Variants in PALS2 observed in about 807,000 individuals in gnomAD.
PALS2 encodes protein PALS2.
In PALS2, 27 loss-of-function variants were observed where a neutral mutation model predicts 61.6. The observed-to-expected ratio is 0.44, with a 90% CI of 0.32 to 0.60. The LOEUF is 0.60. Among genes scored for constraint, PALS2 ranks in the 20% least tolerant of loss-of-function variants. The pLI is 0.05. For synonymous variants in PALS2, 236 were observed against 218.6 expected, an observed-to-expected ratio of 1.08 and a Z score of -0.70; for missense variants, 554 against 639.4, an observed-to-expected ratio of 0.87 and a Z score of 1.44.
chr7:24,585,544 C>A (rs1249398138), intron 1 of PALS2, among the ~76,000 whole-genome samples: 11 of 152,066 alleles, frequency 7.2e-5, no homozygotes, highest in Admixed American at 5.9e-4. Context: ...TGCTATATAG[C>A]CAAGTCGGTA....
intron 1 of PALS2, among the ~76,000 whole-genome samples, chr7:24,580,379 T>A (rs1171374646): frequency 6.6e-6 from 1 of 152,148 alleles, no homozygotes; most frequent in East Asian, 1.9e-4. Context: ...AAATAATACA[T>A]CCTGTGGAAT....
At chr7:24,677,254 G>GCAA (rs1583998685) in intron 9 of PALS2, among the ~76,000 whole-genome samples, 1 of 152,130 alleles carries the variant, frequency 6.6e-6, no homozygotes, top group East Asian at 1.9e-4. Context: ...TTGCTTATCA[G>GCAA]CTTAAGGAGA....
chr7:24,663,537 T>C, intron 5 of PALS2, 53 bp from the exon 6 acceptor site: 1 of 1,472,596 alleles, frequency 6.8e-7, no homozygotes, highest in Non-Finnish European at 9.2e-7. Flanking sequence ...ATTTTTTAAA[T>C]TCAGTGGCAA....
In PALS2 at chr7:24,679,223, A is replaced by G; in HGVS notation, c.1207A>G (p.Lys403Glu). 6.2e-7 allele frequency: 1 copy of G among 1,614,008 alleles called. No homozygotes were observed. Among genetic ancestry groups the G allele is most frequent in the South Asian group, 1.1e-5 (1 of 91,068 alleles). ...SEMEADIKAG[K>E]YLEHGEYEGN... is the part of the protein sequence containing the mutation. ...GATGGAAGCAGATATTAAAGCTGGAAAGTATTTGGAACATGGGGAATATGA... is the reference window on the plus strand; with the variant it reads ...GATGGAAGCAGATATTAAAGCTGGAGAGTATTTGGAACATGGGGAATATGA... Residue 403 changes from lysine (K) to glutamate (E), a missense_variant, in exon 10 of 12, where the codon AAG (lysine) becomes GAG (glutamate). By Grantham distance (56) the Lys-to-Glu change is moderately conservative (BLOSUM62 1). Coordinates refer to ENST00000222644, the MANE Select transcript of PALS2 (RefSeq NM_001303037.2).
intron 1 of PALS2, among the ~76,000 whole-genome samples, chr7:24,581,041 G>T (rs1200656075): frequency 2.6e-5 from 4 of 152,118 alleles, no homozygotes; most frequent in Non-Finnish European, 4.4e-5. Flanking sequence ...GATTCTGAAG[G>T]CCAGACATTT....
At chr7:24,584,408 G>A (rs1468273579) in intron 1 of PALS2, among the ~76,000 whole-genome samples, 5 of 151,226 alleles carry the variant, frequency 3.3e-5, no homozygotes, top group African/African-American at 9.7e-5. Context: ...TTCTCTGATG[G>A]CCAGTGATGA....
At position 24,657,714 on chromosome 7, in the gene PALS2, A is replaced by G. The variant is rs139027578; in HGVS notation, c.652-5876A>G. ...AAGTTCTGAATTTTGATGAAATCCA[A>G]TTTATGATTTTTTTTCTTTGAGTCA... On this transcript the variant is annotated intron_variant, in intron 5 of 11. Transcript: ENST00000222644. 8.3e-3 allele frequency among the ~76,000 whole-genome samples: 1,262 copies of G among 152,228 alleles called. 14 individuals carry two copies. Among genetic ancestry groups the G allele is most frequent in the African/African-American group, 0.028 (1,169 of 41,552 alleles).
intron 2 of PALS2, among the ~76,000 whole-genome samples, chr7:24,637,879 T>C (rs1487927871): frequency 6.6e-6 from 1 of 152,216 alleles, no homozygotes; most frequent in Admixed American, 6.5e-5. Flanking sequence ...ATGCCAGTCA[T>C]AGAATGTTCT....
intron 1 of PALS2, among the ~76,000 whole-genome samples, chr7:24,598,173 C>CA (rs986731601): frequency 6.6e-6 from 1 of 151,974 alleles, no homozygotes. Context: ...TTTATCAAAC[C>CA]AAAGTATATA....
rs1788495458 is a variant in PALS2, at chr7:24,691,891, T to A, written c.*4277T>A. On this transcript the variant is annotated 3_prime_UTR_variant, in exon 12 of 12. Transcript: ENST00000222644. ...AATTCATTCTTTTAAATAATGGGAT[T>A]ATTGTATATAGTACAAATGAATACT... 1 of 152,030 alleles carries A rather than the reference T, an allele frequency of 6.6e-6. No individual in the cohort carries two copies. Among genetic ancestry groups the A allele is most frequent in the South Asian group, 2.1e-4 (1 of 4,832 alleles). The allele number at this position is 152,030 out of a possible 1,614,324, so 9.4% of individuals were successfully genotyped here.
At chr7:24,622,989 TGAACC>T (rs1400088760) in intron 1 of PALS2, among the ~76,000 whole-genome samples, 3 of 152,064 alleles carry the variant, frequency 2.0e-5, no homozygotes, top group Non-Finnish European at 2.9e-5. Context: ...TTTTATCTGT[TGAACC>T]ACTCGTTCAT....
intron 2 of PALS2, among the ~76,000 whole-genome samples, chr7:24,633,341 G>A (rs118157486): frequency 0.019 from 2,614 of 137,738 alleles, 42 homozygotes; most frequent in Non-Finnish European, 0.031. Flanking sequence ...GTAATTCCAG[G>A]TTGGTGGAGT....
At chr7:24,679,042 G>A in intron 9 of PALS2, 89 bp from the exon 10 acceptor site, 1 of 1,183,136 alleles carries the variant, frequency 8.5e-7, no homozygotes, top group Non-Finnish European at 1.2e-6. Flanking sequence ...GCACCCAGTG[G>A]AAAAACGTTA....
intron 1 of PALS2, among the ~76,000 whole-genome samples, chr7:24,577,317 C>A: frequency 7.1e-6 from 1 of 140,316 alleles, no homozygotes; most frequent in Non-Finnish European, 1.5e-5. Flanking sequence ...ATACTTTCTG[C>A]TTAGGAATAT....
rs530059211 is a variant in PALS2 at position 24,675,853 on chromosome 7, C to T, written c.1115-3278C>T. 1.2e-4 allele frequency among the ~76,000 whole-genome samples: 15 copies of T among 128,166 alleles called. No individual in the cohort carries two copies. The East Asian group carries it at 2.2e-3, about 19-fold the overall frequency. 84.1% of individuals were successfully genotyped at this position (128,166 alleles called of 152,430 possible). On this transcript the variant is annotated intron_variant, in intron 9 of 11. Transcript: ENST00000222644. ...TATGAATAATGCCGCAATAAACATACGTGTGCATGTGTCTTTATAGTAGCA... is the reference window on the plus strand; with the variant it reads ...TATGAATAATGCCGCAATAAACATATGTGTGCATGTGTCTTTATAGTAGCA...
At chr7:24,592,719 A>G (rs986095630) in intron 1 of PALS2, among the ~76,000 whole-genome samples, 14 of 152,154 alleles carry the variant, frequency 9.2e-5, no homozygotes, top group African/African-American at 2.9e-4. Flanking sequence ...TGATTACACT[A>G]CACTGTAGAT....
chr7:24,656,258 A>G (rs187437437), intron 5 of PALS2, among the ~76,000 whole-genome samples: 1 of 152,332 alleles, frequency 6.6e-6, no homozygotes, highest in Non-Finnish European at 1.5e-5. Flanking sequence ...ATCAGGGTCA[A>G]GGTGGAGCTG....
intron 9 of PALS2, among the ~76,000 whole-genome samples, chr7:24,676,233 T>C (rs1367784934): frequency 6.6e-6 from 1 of 152,124 alleles, no homozygotes; most frequent in African/African-American, 2.4e-5. Flanking sequence ...TTTGTTTTTT[T>C]CTTGTAAATT....
chr7:24,633,952 G>C (rs1463923765), intron 2 of PALS2, among the ~76,000 whole-genome samples: 1 of 152,014 alleles, frequency 6.6e-6, no homozygotes, highest in Admixed American at 6.6e-5. Context: ...TTGTGGTTTT[G>C]ATTTGTGTTT....
Sources: allele counts gnomAD v4.1 joint callset (sites outside exome capture counted in the v4.1 genomes callset), GRCh38; gene constraint gnomAD v4.1.1; transcripts MANE v1.5; gene names NCBI Gene and HGNC (gene_info 2026-07-23, HGNC 2026-07-21).